The following PLCB1 variants were observed in gnomAD, a reference collection of about 807,000 sequenced individuals.
PLCB1 encodes 1-phosphatidylinositol 4,5-bisphosphate phosphodiesterase beta-1.
In PLCB1, 46 loss-of-function variants were observed where a neutral mutation model predicts 161.8. That is an observed-to-expected ratio of 0.28 (90% confidence interval 0.22 to 0.36). The LOEUF is 0.36. Ranked by LOEUF, PLCB1 falls within the 10% of genes least tolerant of loss-of-function variation. The pLI is 1.00. For missense variants in PLCB1, 1,016 were observed against 1,472.5 expected, an observed-to-expected ratio of 0.69 and a Z score of 5.07; for synonymous variants, 517 against 503.7, an observed-to-expected ratio of 1.03 and a Z score of -0.35.
chr20:8,492,237 T>C (rs887822803), intron 3 of PLCB1, among the ~76,000 whole-genome samples: 3 of 152,122 alleles, frequency 2.0e-5, no homozygotes, highest in Non-Finnish European at 4.4e-5. Context: ...ACCCACTTTC[T>C]GTTTACTTAC....
intron 3 of PLCB1, among the ~76,000 whole-genome samples, chr20:8,382,283 C>CTTTTTTT (rs71331303): frequency 6.1e-5 from 8 of 130,562 alleles, no homozygotes; most frequent in Non-Finnish European, 8.1e-5. Context: ...GTTTCTTTTT[C>CTTTTTTT]TTTTTTTTTT....
Position 8,178,316 on chromosome 20 carries a change from G to A in PLCB1, c.177+27945G>A, listed in dbSNP as rs75758908. ...ACTAATTTACATTCCCACCAGCAGT[G>A]TATAAGTGTTTTTTGATTTTTCTGA... On this transcript the variant is annotated intron_variant, in intron 2 of 31. Transcript: ENST00000338037. 2.3e-3 allele frequency among the ~76,000 whole-genome samples: 346 copies of A among 152,176 alleles called. 2 individuals carry two copies. The highest frequency in any genetic ancestry group is 8.0e-3 in the African/African-American group (331 of 41,536).
intron 18 of PLCB1, chr20:8,729,834 A>G (rs1980137721): frequency 6.6e-6 from 1 of 151,964 alleles, no homozygotes; most frequent in Admixed American, 6.6e-5. Flanking sequence ...GTCTGTAAAA[A>G]ATGTTGTGCT....
At chr20:8,544,544 T>G (rs537523547) in intron 3 of PLCB1, among the ~76,000 whole-genome samples, 1 of 152,076 alleles carries the variant, frequency 6.6e-6, no homozygotes, top group Admixed American at 6.6e-5. Context: ...TATGTGGGGG[T>G]CAAGTGCAAT....
At position 8,426,258 on chromosome 20, in the gene PLCB1, G is replaced by A. The variant is rs117477654; in HGVS notation, c.246+54808G>A. ...TAACTCTCAGTAGTTTCTGGACAAG[G>A]CCTAAAATCAATCATAATCCTAAAA... On this transcript the variant is annotated intron_variant, in intron 3 of 31. Coordinates refer to ENST00000338037, the MANE Select transcript of PLCB1 (RefSeq NM_015192.4). Among the ~76,000 whole-genome samples the A allele has an allele frequency of 4.4e-4, 67 of 152,258 alleles. 1 individual carries two copies. In the East Asian group the frequency reaches 0.013, roughly 28 times the overall value.
intron 3 of PLCB1, among the ~76,000 whole-genome samples, chr20:8,425,183 T>A (rs920182760): frequency 3.3e-5 from 5 of 151,760 alleles, no homozygotes; most frequent in Admixed American, 6.6e-5. Context: ...CTGCGTTCTG[T>A]CCTTGGCTGC....
chr20:8,550,337 C>A (rs548808598), intron 3 of PLCB1, among the ~76,000 whole-genome samples: 1 of 152,102 alleles, frequency 6.6e-6, no homozygotes, highest in Non-Finnish European at 1.5e-5. Context: ...TTGTAATAAT[C>A]CCCATGTGTC....
intron 3 of PLCB1, among the ~76,000 whole-genome samples, chr20:8,476,978 AT>A (rs1012009900): frequency 6.6e-6 from 1 of 152,116 alleles, no homozygotes; most frequent in South Asian, 2.1e-4. Flanking sequence ...TAGGAAAAGG[AT>A]TTTTTTCAGG....
intron 2 of PLCB1, among the ~76,000 whole-genome samples, chr20:8,176,976 C>T (rs2051790024): frequency 6.6e-6 from 1 of 152,058 alleles, no homozygotes; most frequent in South Asian, 2.1e-4. Context: ...ACTCCCTTCT[C>T]AGTAATCAGT....
rs148738915 is a variant in PLCB1, at chr20:8,646,181, C to T, written c.464C>T (p.Ala155Val). Residue 155 changes from alanine (A) to valine (V), a missense_variant and splice_region_variant, in exon 5 of 32, where the codon GCC becomes GTC. By Grantham distance (64) the Ala-to-Val change is moderately conservative. Transcript: ENST00000338037. ...TCCAGGGATGCATTTCTGGAAAAAGCGTAAGTCACTCTAATTTTATTGCTA... is the reference window on the plus strand; with the variant it reads ...TCCAGGGATGCATTTCTGGAAAAAGTGTAAGTCACTCTAATTTTATTGCTA... ...NMSRDAFLEKAYTKLKLQVTP... is the reference protein window; with the variant it reads ...NMSRDAFLEKVYTKLKLQVTP... 24 of 1,604,492 alleles carry T rather than the reference C, an allele frequency of 1.5e-5. No individual in the cohort carries two copies. Among genetic ancestry groups the T allele is most frequent in the Admixed American group, 1.2e-4 (7 of 60,004 alleles).
At chr20:8,871,448 C>T (rs1050767335) in intron 31 of PLCB1, among the ~76,000 whole-genome samples, 2 of 152,176 alleles carry the variant, frequency 1.3e-5, no homozygotes, top group Admixed American at 1.3e-4. Context: ...TCATGTCCTT[C>T]ATAAAGTATT....
chr20:8,482,482 C>G (rs1176349163), intron 3 of PLCB1, among the ~76,000 whole-genome samples: 1 of 152,072 alleles, frequency 6.6e-6, no homozygotes, highest in Non-Finnish European at 1.5e-5. Context: ...ATTAGTATGT[C>G]CATTTACCTA....
intron 2 of PLCB1, among the ~76,000 whole-genome samples, chr20:8,318,923 CT>C (rs1158540355): frequency 6.6e-6 from 1 of 152,104 alleles, no homozygotes; most frequent in African/African-American, 2.4e-5. Flanking sequence ...AAAATTGTCA[CT>C]CTTTTTTGTT....
intron 2 of PLCB1, among the ~76,000 whole-genome samples, chr20:8,254,184 T>G (rs1180365303): frequency 6.7e-6 from 1 of 149,176 alleles, no homozygotes; most frequent in Non-Finnish European, 1.5e-5. Context: ...ATTGTCTTTG[T>G]GACCACTGGA....
At chr20:8,285,071 G>T (rs187168759) in intron 2 of PLCB1, among the ~76,000 whole-genome samples, 4 of 151,208 alleles carry the variant, frequency 2.6e-5, no homozygotes, top group African/African-American at 7.3e-5. Context: ...GTTTCTGCAT[G>T]TGTCTAGCTC....
chr20:8,680,674 C>A (rs6133601), intron 9 of PLCB1, among the ~76,000 whole-genome samples: 1 of 152,108 alleles, frequency 6.6e-6, no homozygotes, highest in African/African-American at 2.4e-5. Context: ...CCAAACTACC[C>A]TTCAAACTCA....
At chr20:8,764,055 T>C (rs1184968177) in intron 25 of PLCB1, among the ~76,000 whole-genome samples, 1 of 152,052 alleles carries the variant, frequency 6.6e-6, no homozygotes, top group African/African-American at 2.4e-5. Flanking sequence ...TAATCCCAGC[T>C]ACTTGGGAGG....
At chr20:8,161,036 C>T (rs1001424230) in intron 2 of PLCB1, among the ~76,000 whole-genome samples, 7 of 151,916 alleles carry the variant, frequency 4.6e-5, no homozygotes, top group Admixed American at 1.3e-4. Flanking sequence ...ACCTTTTTAT[C>T]GTTGTTATCA....
intron 7 of PLCB1, among the ~76,000 whole-genome samples, chr20:8,650,189 C>T (rs1372581679): frequency 6.6e-6 from 1 of 151,786 alleles, no homozygotes; most frequent in Non-Finnish European, 1.5e-5. Context: ...AAGATATTAG[C>T]TAATGATAGT....
Sources: gnomAD v4.1 joint callset for allele counts (sites outside exome capture counted in the v4.1 genomes callset) on GRCh38, gnomAD v4.1.1 for gene constraint, MANE v1.5 for transcripts, NCBI Gene and HGNC (gene_info 2026-07-23, HGNC 2026-07-21) for gene names.